Variants in PTPRR observed in about 807,000 individuals in gnomAD.
PTPRR encodes receptor-type tyrosine-protein phosphatase R.
In PTPRR, 38 loss-of-function variants were observed where a neutral mutation model predicts 77.2. The ratio of observed to expected loss-of-function variants is 0.49; its 90% CI spans 0.38 to 0.65. PTPRR has a LOEUF of 0.65. Ranked by LOEUF, PTPRR falls within the 30% of genes least tolerant of loss-of-function variation. PTPRR has a pLI of 0.00. For synonymous variants in PTPRR, 299 were observed against 283.1 expected, an observed-to-expected ratio of 1.06 and a Z score of -0.57; for missense variants, 744 against 799.2, an observed-to-expected ratio of 0.93 and a Z score of 0.83.
At chr12:70,676,859 CTTT>C (rs60254808) in intron 10 of PTPRR, among the ~76,000 whole-genome samples, 1 of 139,762 alleles carries the variant, frequency 7.2e-6, no homozygotes, top group Non-Finnish European at 1.6e-5. Context: ...ATGCCTCCAG[CTTT>C]TTTTTTTTTT....
At chr12:70,904,660 C>CA (rs1893593769) in intron 1 of PTPRR, among the ~76,000 whole-genome samples, 1 of 151,308 alleles carries the variant, frequency 6.6e-6, no homozygotes, top group African/African-American at 2.4e-5. Context: ...AACTATACAC[C>CA]AAAAAAGTCA....
intron 10 of PTPRR, among the ~76,000 whole-genome samples, chr12:70,682,034 CTTTTTTTTTTTT>C (rs578204454): frequency 1.3e-4 from 8 of 62,690 alleles, no homozygotes; most frequent in African/African-American, 4.2e-4. Flanking sequence ...TTGTTGTTCA[CTTTTTTTTTTTT>C]TTTTTTTTTT....
chr12:70,850,371 AT>A (rs547259360), intron 2 of PTPRR, among the ~76,000 whole-genome samples: 49 of 151,520 alleles, frequency 3.2e-4, no homozygotes, highest in African/African-American at 1.0e-3. Flanking sequence ...AAAAAAAAAA[AT>A]AAAAGGTAAT....
At chr12:70,704,809 T>A (rs941814212) in intron 6 of PTPRR, among the ~76,000 whole-genome samples, 2 of 152,112 alleles carry the variant, frequency 1.3e-5, no homozygotes, top group African/African-American at 2.4e-5. Context: ...AGGAGAACTA[T>A]ACCTTTAATA....
At chr12:70,722,829 C>T (rs894092652) in intron 6 of PTPRR, among the ~76,000 whole-genome samples, 2 of 152,030 alleles carry the variant, frequency 1.3e-5, no homozygotes, top group African/African-American at 2.4e-5. Flanking sequence ...AGCCACCCGC[C>T]GTCATAAAGA....
intron 6 of PTPRR, among the ~76,000 whole-genome samples, chr12:70,741,819 G>A (rs1014872720): frequency 6.6e-6 from 1 of 152,152 alleles, no homozygotes; most frequent in African/African-American, 2.4e-5. Context: ...TGGGAAGTGG[G>A]GGACCCTCAA....
At chr12:70,813,553 A>G (rs922245511) in intron 2 of PTPRR, among the ~76,000 whole-genome samples, 1 of 152,242 alleles carries the variant, frequency 6.6e-6, no homozygotes, top group Non-Finnish European at 1.5e-5. Context: ...AGTAACAAGA[A>G]CTGAGTTAGT....
rs569774925 is a variant in PTPRR, at chr12:70,640,866, T to C, written c.1881-1589A>G. On this transcript the variant is annotated intron_variant, in intron 13 of 13. Coordinates refer to ENST00000283228, the MANE Select transcript of PTPRR (RefSeq NM_002849.4). ...TGATTCCCCAGGAAAATTAACATGA[T>C]GTCAAAATGATGTAATTGGCAAAAA... Among the ~76,000 whole-genome samples, 17 of 152,352 alleles carry C rather than the reference T, an allele frequency of 1.1e-4. No homozygotes were observed. The South Asian group carries it at 3.1e-3, about 28-fold the overall frequency.
rs1286077323 is a variant in PTPRR at position 70,920,372 on chromosome 12, AGCAGACT to A, written c.12_18del (p.Val5SerfsTer50). 6.2e-7 allele frequency: 1 copy of A among 1,613,426 alleles called. No individual in the cohort carries two copies. Among genetic ancestry groups the A allele is most frequent in the African/African-American group, 1.3e-5 (1 of 74,892 alleles). On this transcript the variant is annotated frameshift_variant, in exon 1 of 14. Transcript: ENST00000283228. LOFTEE classifies it high-confidence loss of function. ...TTAAGGAGCAGGCACAGCGCAGGGAAGCAGACTGCTCTCCGCATAGTGTTTGCATTGA... is the reference window on the plus strand; with the variant it reads ...TTAAGGAGCAGGCACAGCGCAGGGAAGCTCTCCGCATAGTGTTTGCATTGA...
At chr12:70,702,322 A>G (rs1209632326) in intron 6 of PTPRR, among the ~76,000 whole-genome samples, 2 of 152,026 alleles carry the variant, frequency 1.3e-5, no homozygotes, top group Non-Finnish European at 2.9e-5. Context: ...GAAGTCAGAG[A>G]TGGTGTTTAC....
intron 6 of PTPRR, among the ~76,000 whole-genome samples, chr12:70,734,727 C>T (rs1405143805): frequency 6.6e-6 from 1 of 152,164 alleles, no homozygotes; most frequent in Admixed American, 6.5e-5. Context: ...CAGGTCTACA[C>T]TTTCAGGACT....
intron 6 of PTPRR, among the ~76,000 whole-genome samples, chr12:70,701,802 G>A (rs1345335423): frequency 3.3e-5 from 5 of 151,916 alleles, no homozygotes; most frequent in Non-Finnish European, 7.4e-5. Flanking sequence ...GTAAAACCCT[G>A]TCTCTACAAA....
At chr12:70,671,987 T>G (rs1423782517) in intron 10 of PTPRR, 2 of 1,304,992 alleles carry the variant, frequency 1.5e-6, no homozygotes, top group African/African-American at 2.9e-5. Flanking sequence ...CTTTCAACCC[T>G]CCAGAGACAT....
intron 10 of PTPRR, among the ~76,000 whole-genome samples, chr12:70,664,934 T>A (rs1306519083): frequency 6.6e-6 from 1 of 152,202 alleles, no homozygotes; most frequent in African/African-American, 2.4e-5. Flanking sequence ...CAGCTGCAAA[T>A]GCAGTTGTTT....
intron 8 of PTPRR, 91 bp downstream of exon 8, chr12:70,698,174 T>A: frequency 9.2e-7 from 1 of 1,089,586 alleles, no homozygotes; most frequent in Non-Finnish European, 1.4e-6. Context: ...GCTGCATCCA[T>A]CAACCCATCA....
In PTPRR at chr12:70,658,883, G is replaced by GTTTTTTTTTTTTTTTTTTT. The variant is rs746595856; in HGVS notation, c.1766+2038_1766+2056dup. Among the ~76,000 whole-genome samples, 13 of 36,936 alleles carry GTTTTTTTTTTTTTTTTTTT rather than the reference G, an allele frequency of 3.5e-4. 3 individuals are homozygous for GTTTTTTTTTTTTTTTTTTT. The highest frequency in any genetic ancestry group is 1.3e-3 in the Admixed American group (3 of 2,254). The allele number at this position is 36,936 out of a possible 152,430, so 24.2% of individuals were successfully genotyped here. ...TTCAACGTTAGGGACTTTTGCTCTAGTTTTTTTTTTTTTTTTTTTTTTTTT... is the reference window on the plus strand; with the variant it reads ...TTCAACGTTAGGGACTTTTGCTCTAGTTTTTTTTTTTTTTTTTTTTTTTTTTTTTTTTTTTTTTTTTTTT... On this transcript the variant is annotated intron_variant, in intron 12 of 13. Coordinates refer to ENST00000283228, the MANE Select transcript of PTPRR (RefSeq NM_002849.4).
rs916014042 is a variant in PTPRR at position 70,841,830 on chromosome 12, A to G, written c.357+50849T>C. 5.7e-4 allele frequency among the ~76,000 whole-genome samples: 87 copies of G among 152,144 alleles called. 2 individuals are homozygous for G. The highest frequency in any genetic ancestry group is 1.5e-5 in the Non-Finnish European group (1 of 68,026). ...GTTTTCACTGTAAATTCAAAACCCA[A>G]TTATTATTTTCATAATGAGAATATA... On this transcript the variant is annotated intron_variant, in intron 2 of 13. Transcript: ENST00000283228.
intron 2 of PTPRR, among the ~76,000 whole-genome samples, chr12:70,799,964 A>G (rs1385473386): frequency 2.6e-5 from 4 of 152,086 alleles, no homozygotes; most frequent in Non-Finnish European, 5.9e-5. Context: ...AGTCACAAAG[A>G]TATGGTTAAA....
chr12:70,666,793 C>T (rs1250934936), intron 10 of PTPRR, among the ~76,000 whole-genome samples: 1 of 151,940 alleles, frequency 6.6e-6, no homozygotes, highest in Non-Finnish European at 1.5e-5. Context: ...ATCTAGAACT[C>T]CATCTTCAGA....
Sources: allele counts gnomAD v4.1 joint callset (sites outside exome capture counted in the v4.1 genomes callset), GRCh38; gene constraint gnomAD v4.1.1; transcripts MANE v1.5; gene names NCBI Gene and HGNC (gene_info 2026-07-23, HGNC 2026-07-21).